The following TRIP6 variants were observed in gnomAD, a reference collection of about 807,000 sequenced individuals.
The protein encoded by TRIP6 is thyroid receptor-interacting protein 6.
A neutral mutation model predicts 51.9 loss-of-function variants in TRIP6; 33 were observed. The observed-to-expected ratio is 0.64, with a 90% CI of 0.48 to 0.85. The LOEUF (loss-of-function observed/expected upper bound fraction) is 0.85. TRIP6 is among the 40% of genes least tolerant of loss of function. TRIP6 has a pLI of 0.00. For missense variants in TRIP6, 661 were observed against 652.1 expected (o/e 1.01, Z -0.15); for synonymous variants, 255 against 275.8 (o/e 0.92, Z 0.75).
At chr7:100,870,045 G>C (rs1379345258) in intron 4 of TRIP6, among the ~76,000 whole-genome samples, 5 of 152,174 alleles carry the variant, frequency 3.3e-5, no homozygotes, top group Middle Eastern at 3.2e-3. Flanking sequence ...AGTCCCATCT[G>C]GGGGTGATGG....
intron 7 of TRIP6, among the ~76,000 whole-genome samples, chr7:100,872,313 G>A (rs781053799): frequency 2.6e-5 from 4 of 151,560 alleles, no homozygotes; most frequent in African/African-American, 7.3e-5. Context: ...GATAGCAGGC[G>A]TAAGCCACTG....
rs775818759 is a variant in TRIP6, at chr7:100,872,641, G to C, written c.1196G>C (p.Cys399Ser). 6.2e-7 allele frequency: 1 copy of C among 1,613,962 alleles called. No homozygotes were observed. ...EDFHRKFAPRCSVCGGAIMPE... is the reference protein window; with the variant it reads ...EDFHRKFAPRSSVCGGAIMPE... ...CCCTGCAGGAAGTTTGCCCCAAGAT[G>C]CTCAGTGTGCGGTGGGGCCATAATG... Residue 399 changes from cysteine to serine, a missense_variant, in exon 8 of 9, where the codon TGC becomes TCC. Coordinates refer to ENST00000200457, the MANE Select transcript of TRIP6 (RefSeq NM_003302.3).
chr7:100,871,787 C>T, intron 7 of TRIP6, 66 bp downstream of exon 7: 1 of 1,551,968 alleles, frequency 6.4e-7, no homozygotes, highest in Non-Finnish European at 8.8e-7. Context: ...TCTCTTCATG[C>T]CCCAGGACTG....
At chr7:100,869,120 T>A (rs1815215850) in intron 4 of TRIP6, among the ~76,000 whole-genome samples, 2 of 151,884 alleles carry the variant, frequency 1.3e-5, no homozygotes, top group Admixed American at 6.6e-5. Context: ...TTAATTTTTG[T>A]ATTTTTAGTA....
intron 7 of TRIP6, 108 bp from the exon 8 acceptor site, chr7:100,872,516 A>T: frequency 6.6e-7 from 1 of 1,513,532 alleles, no homozygotes; most frequent in Non-Finnish European, 8.9e-7. Context: ...CTAAGGCCAT[A>T]CCTCTGGCCT....
chr7:100,868,621 G>C lies in TRIP6; in HGVS notation c.490G>C (p.Ala164Pro). 6.2e-7 allele frequency: 1 copy of C among 1,612,618 alleles called. No individual in the cohort carries two copies. Among genetic ancestry groups the C allele is most frequent in the Non-Finnish European group, 8.5e-7 (1 of 1,179,826 alleles). ...CTCTTACACTACCGCCAGCACCCCG[G>C]CTGGCCCAGCCTTCCCCGTGCAAGT... ...PASYTTASTP[A>P]GPAFPVQVKV... is the part of the protein sequence containing the mutation. Residue 164 changes from alanine to proline, a missense_variant, in exon 4 of 9, where the codon GCT becomes CCT. Physicochemically the swap from Ala to Pro is conservative, Grantham distance 27. Coordinates refer to ENST00000200457, the MANE Select transcript of TRIP6 (RefSeq NM_003302.3).
chr7:100,872,546 C>T, intron 7 of TRIP6, 78 bp from the exon 8 acceptor site: 1 of 1,586,048 alleles, frequency 6.3e-7, no homozygotes, highest in Non-Finnish European at 8.6e-7. Context: ...CCTCCTGTGC[C>T]CCACCTTCTC....
chr7:100,867,481 G>A lies in TRIP6; in HGVS notation c.-17G>A. On this transcript the variant is annotated 5_prime_UTR_variant, in exon 1 of 9. Coordinates refer to ENST00000200457, the MANE Select transcript of TRIP6 (RefSeq NM_003302.3). This position sits in a 1 kb window ranked among gnomAD's most constrained non-coding sequence, Gnocchi z 5.4. Reference sequence around the variant, plus strand: ...CGGGGCTTCAAGACCGCTGTCTGGAGTCCCCCTTTCCAGGCCATGTCGGGG... The same window carrying A: ...CGGGGCTTCAAGACCGCTGTCTGGAATCCCCCTTTCCAGGCCATGTCGGGG... The A allele has an allele frequency of 5.5e-6, 8 of 1,444,326 alleles. No individual in the cohort carries two copies. Among genetic ancestry groups the A allele is most frequent in the Non-Finnish European group, 9.1e-7 (1 of 1,096,652 alleles). The allele number at this position is 1,444,326 out of a possible 1,614,324, so 89.5% of individuals were successfully genotyped here.
At chr7:100,872,181 GTTT>G (rs34239953) in intron 7 of TRIP6, among the ~76,000 whole-genome samples, 4 of 95,592 alleles carry the variant, frequency 4.2e-5, no homozygotes, top group Non-Finnish European at 5.7e-5. Context: ...CGCCTGGCTA[GTTT>G]TTTTTTTTTT....
intron 6 of TRIP6, 154 bp downstream of exon 6, chr7:100,870,897 A>G: frequency 1.9e-6 from 2 of 1,056,626 alleles, no homozygotes; most frequent in Non-Finnish European, 2.7e-6. Flanking sequence ...TTCTGCAAGT[A>G]TCAAGCAAGT....
intron 4 of TRIP6, 87 bp from the exon 5 acceptor site, chr7:100,870,283 C>G: frequency 7.2e-7 from 1 of 1,385,282 alleles, no homozygotes; most frequent in Non-Finnish European, 1.0e-6. Flanking sequence ...GGCCCAGTTC[C>G]TAACAGGCCA....
intron 6 of TRIP6, 125 bp from the exon 7 acceptor site, chr7:100,871,418 C>T (rs1180683543): frequency 4.3e-5 from 40 of 938,370 alleles, no homozygotes; most frequent in Non-Finnish European, 5.7e-5. Flanking sequence ...TGCCTTTCAC[C>T]GAATCACATG....
chr7:100,868,050 C>T (rs1584717256), intron 2 of TRIP6, 58 bp from the exon 3 acceptor site: 1 of 1,558,548 alleles, frequency 6.4e-7, no homozygotes, highest in South Asian at 1.2e-5. Flanking sequence ...CTGAGGGACC[C>T]AGGACAGGAG....
chr7:100,872,012 CG>C (rs1260596440), intron 7 of TRIP6, among the ~76,000 whole-genome samples: 3 of 141,508 alleles, frequency 2.1e-5, no homozygotes, highest in African/African-American at 7.8e-5. Flanking sequence ...TAGTTTTCTT[CG>C]TTTTTTTTTT....
chr7:100,872,227 T>A (rs907485424), intron 7 of TRIP6, among the ~76,000 whole-genome samples: 1 of 149,876 alleles, frequency 6.7e-6, no homozygotes, highest in African/African-American at 2.5e-5. Context: ...GAGACAGGCT[T>A]TCATCATGTT....
In TRIP6 at chr7:100,867,761, T is replaced by C; in HGVS notation, c.110-100T>C. The C allele has an allele frequency of 2.0e-6, 3 of 1,508,408 alleles. No individual in the cohort carries two copies. The highest frequency in any genetic ancestry group is 8.8e-7 in the Non-Finnish European group (1 of 1,130,360). 93.4% of individuals were successfully genotyped at this position (1,508,408 alleles called of 1,614,324 possible). A position where few individuals can be genotyped will look rare whatever the true frequency, so the allele number is the denominator to read the frequency against. The stretch of plus-strand genomic sequence containing the variant: ...CTGCGCTCTCTTGGGACCCTAGATT[T>C]GGGGGAGGAGGTAACGAGAGGCGGA... On this transcript the variant is annotated intron_variant, in intron 1 of 8. Transcript: ENST00000200457. This position sits in a 1 kb window ranked among gnomAD's most constrained non-coding sequence, Gnocchi z 5.4.
In TRIP6 at chr7:100,868,694, C is replaced by A. The variant is rs748045368; in HGVS notation, c.563C>A (p.Ala188Asp). Residue 188 changes from alanine to aspartate, a missense_variant, in exon 4 of 9, where the codon GCC becomes GAC. Physicochemically the swap from Ala to Asp is moderately radical, Grantham distance 126. Transcript: ENST00000200457. Reference protein sequence around the residue: ...VRGCGPPRRGASQASGPLPGP... With the variant: ...VRGCGPPRRGDSQASGPLPGP... ...GGCTGCGGCCCACCCAGGCGGGGAG[C>A]CTCTCAGGCCTCTGGGCCCCTCCCG... is the stretch of plus-strand genomic sequence containing the variant. The A allele has an allele frequency of 5.0e-6, 8 of 1,593,532 alleles. No individual in the cohort carries two copies. Among genetic ancestry groups the A allele is most frequent in the Admixed American group, 1.7e-5 (1 of 57,198 alleles).
In TRIP6 at chr7:100,870,598, A is replaced by T; in HGVS notation, c.854A>T (p.Asp285Val). The change falls in exon 6 of 9, where the codon GAT becomes GTT. Residue 285 changes from aspartate to valine, a missense_variant. Coordinates refer to ENST00000200457, the MANE Select transcript of TRIP6 (RefSeq NM_003302.3). Reference protein sequence around the residue: ...YFGQCGGCGEDVVGDGAGVVA... With the variant: ...YFGQCGGCGEVVVGDGAGVVA... ...GGCCAGTGTGGTGGCTGCGGAGAAG[A>T]TGTGGTTGGGGATGGGGCTGGGGTT... 1 of 1,613,930 alleles carries T rather than the reference A, an allele frequency of 6.2e-7. No individual in the cohort carries two copies. The highest frequency in any genetic ancestry group is 8.5e-7 in the Non-Finnish European group (1 of 1,179,934).
intron 4 of TRIP6, among the ~76,000 whole-genome samples, chr7:100,869,553 A>G (rs558536575): frequency 8.0e-4 from 118 of 147,202 alleles, no homozygotes; most frequent in African/African-American, 2.9e-3. Context: ...AATCACTTGA[A>G]CCTGGGAGGT....
Sources: gnomAD v4.1 joint callset for allele counts (sites outside exome capture counted in the v4.1 genomes callset) on GRCh38, gnomAD v4.1.1 for gene constraint, Gnocchi (gnomAD v3.1) non-coding constraint, MANE v1.5 for transcripts, NCBI Gene and HGNC (gene_info 2026-07-23, HGNC 2026-07-21) for gene names.